Variants in TBC1D5 observed in about 807,000 individuals in gnomAD.
TBC1D5 encodes the protein TBC1 domain family member 5.
TBC1D5 carries 75 observed loss-of-function variants against 100.3 expected under a neutral mutation model. The observed-to-expected ratio is 0.75, with a 90% CI of 0.62 to 0.91. TBC1D5 has a LOEUF of 0.91. TBC1D5 is among the 40% of genes least tolerant of loss of function. TBC1D5 has a pLI of 0.00. For synonymous variants in TBC1D5, 323 were observed against 325.6 expected (o/e 0.99, Z 0.09); for missense variants, 910 against 942.4 (o/e 0.97, Z 0.45).
At chr3:17,315,487 C>T (rs1166310013) in intron 13 of TBC1D5, among the ~76,000 whole-genome samples, 2 of 152,212 alleles carry the variant, frequency 1.3e-5, no homozygotes, top group Non-Finnish European at 2.9e-5. Flanking sequence ...ACCAGTGAAC[C>T]ATTCTACGTC....
At chr3:17,323,439 G>A (rs1361465107) in intron 13 of TBC1D5, among the ~76,000 whole-genome samples, 1 of 152,184 alleles carries the variant, frequency 6.6e-6, no homozygotes, top group East Asian at 1.9e-4. Flanking sequence ...TGTAAGTGCA[G>A]ATGACATAAT....
At chr3:17,235,899 A>G (rs1449879) in intron 17 of TBC1D5, among the ~76,000 whole-genome samples, 62,063 of 151,536 alleles carry the variant, frequency 0.41, 13,395 homozygotes, top group Middle Eastern at 0.49. Flanking sequence ...AGGTAAACAA[A>G]TTTTTGTTTT....
intron 3 of TBC1D5, among the ~76,000 whole-genome samples, chr3:17,476,652 G>C (rs2095441622): frequency 6.6e-6 from 1 of 151,804 alleles, no homozygotes; most frequent in African/African-American, 2.4e-5. Flanking sequence ...AATTTTGACT[G>C]AAAAATACAC....
chr3:17,719,886 T>C (rs1238820067), intron 1 of TBC1D5, among the ~76,000 whole-genome samples: 1 of 152,204 alleles, frequency 6.6e-6, no homozygotes, highest in African/African-American at 2.4e-5. Context: ...TCTAATCCTA[T>C]GTATTTTTAC....
At chr3:17,379,894 A>G (rs1333877397) in intron 9 of TBC1D5, among the ~76,000 whole-genome samples, 1 of 151,992 alleles carries the variant, frequency 6.6e-6, no homozygotes, top group African/African-American at 2.4e-5. Context: ...CTCTCTCTCA[A>G]AATATCTTAT....
chr3:17,428,395 A>ATG (rs35081140), intron 4 of TBC1D5, 55 bp downstream of exon 4: 141 of 303,918 alleles, frequency 4.6e-4, no homozygotes, highest in African/African-American at 2.0e-3. Context: ...ATAATATTAT[A>ATG]TGTGTGTGTG....
At chr3:17,219,090 T>TG (rs970318148) in intron 17 of TBC1D5, among the ~76,000 whole-genome samples, 2 of 151,560 alleles carry the variant, frequency 1.3e-5, no homozygotes, top group African/African-American at 4.8e-5. Flanking sequence ...TCTTTTTGTT[T>TG]TTTTTTTTTA....
At chr3:17,673,260 G>A (rs182749615) in intron 1 of TBC1D5, among the ~76,000 whole-genome samples, 2 of 151,376 alleles carry the variant, frequency 1.3e-5, no homozygotes, top group Admixed American at 6.6e-5. Flanking sequence ...ATTCCGCATG[G>A]TAAATACACG....
At chr3:17,579,886 G>T (rs2096682527) in intron 2 of TBC1D5, among the ~76,000 whole-genome samples, 1 of 152,098 alleles carries the variant, frequency 6.6e-6, no homozygotes, top group South Asian at 2.1e-4. Flanking sequence ...AGACAGCAGA[G>T]ATCACATTAT....
At chr3:17,408,660 GC>G (rs1252730494) in intron 4 of TBC1D5, among the ~76,000 whole-genome samples, 4 of 152,178 alleles carry the variant, frequency 2.6e-5, no homozygotes, top group African/African-American at 9.6e-5. Flanking sequence ...TAATAATACT[GC>G]TTTTTAGTGT....
chr3:17,568,698 T>C (rs1000284349), intron 2 of TBC1D5, among the ~76,000 whole-genome samples: 1 of 151,628 alleles, frequency 6.6e-6, no homozygotes, highest in African/African-American at 2.4e-5. Context: ...TTCATTACTA[T>C]TGTTCTAGGT....
chr3:17,245,715 T>C (rs1013393022), intron 16 of TBC1D5, among the ~76,000 whole-genome samples: 1 of 152,236 alleles, frequency 6.6e-6, no homozygotes, highest in Non-Finnish European at 1.5e-5. Flanking sequence ...ATCAAATCAT[T>C]AAACTTCTCA....
intron 4 of TBC1D5, among the ~76,000 whole-genome samples, chr3:17,417,789 C>T (rs1364965349): frequency 1.3e-5 from 2 of 152,122 alleles, no homozygotes; most frequent in African/African-American, 2.4e-5. Context: ...AATGGTTGAA[C>T]TAGTTTACAG....
intron 15 of TBC1D5, among the ~76,000 whole-genome samples, chr3:17,269,732 T>C (rs1394683483): frequency 1.3e-5 from 2 of 151,796 alleles, no homozygotes; most frequent in South Asian, 2.1e-4. Flanking sequence ...CATTTGTAAG[T>C]GAGAACATGT....
At chr3:17,723,958 C>T (rs2075902281) in intron 1 of TBC1D5, among the ~76,000 whole-genome samples, 1 of 152,050 alleles carries the variant, frequency 6.6e-6, no homozygotes, top group Non-Finnish European at 1.5e-5. Context: ...TCTATCTATA[C>T]ATGTTCTCTT....
rs182783299 is a variant in TBC1D5, at chr3:17,633,020, T to C, written c.-100-9107A>G. On this transcript the variant is annotated intron_variant, in intron 1 of 21. Transcript: ENST00000253692. ...AACATAATTAATTTCTTTTATTCTGTCTATATTCTTTCCTTCTTCCTAATG... is the reference window on the plus strand; with the variant it reads ...AACATAATTAATTTCTTTTATTCTGCCTATATTCTTTCCTTCTTCCTAATG... Among the ~76,000 whole-genome samples the C allele has an allele frequency of 1.5e-3, 225 of 152,304 alleles. 1 individual carries two copies. The highest frequency in any genetic ancestry group is 5.0e-3 in the African/African-American group (207 of 41,560).
intron 2 of TBC1D5, among the ~76,000 whole-genome samples, chr3:17,587,915 T>C (rs976916501): frequency 6.6e-6 from 1 of 152,020 alleles, no homozygotes; most frequent in Non-Finnish European, 1.5e-5. Context: ...ATAAAAGATA[T>C]TCAAATAGCT....
At chr3:17,529,718 C>G (rs2153372921) in intron 2 of TBC1D5, among the ~76,000 whole-genome samples, 1 of 151,924 alleles carries the variant, frequency 6.6e-6, no homozygotes, top group African/African-American at 2.4e-5. Context: ...ATAATCTCGG[C>G]TCACTGCAAC....
Position 17,233,765 on chromosome 3 carries a change from A to G in TBC1D5, c.1588+4398T>C, listed in dbSNP as rs1187368903. ...AACTACATCGCCTGGATTTCATAAG[A>G]AAAAATAATTAGATTTCATAAAAAG... On this transcript the variant is annotated intron_variant, in intron 17 of 21. Transcript: ENST00000253692. The G allele has an allele frequency of 2.6e-6, 4 of 1,516,160 alleles. No homozygotes were observed. The East Asian group carries it at 7.4e-5, about 28-fold the overall frequency. 93.9% of individuals were successfully genotyped at this position (1,516,160 alleles called of 1,614,324 possible).
Sources: allele counts gnomAD v4.1 joint callset (sites outside exome capture counted in the v4.1 genomes callset), GRCh38; gene constraint gnomAD v4.1.1; transcripts MANE v1.5; gene names NCBI Gene and HGNC (gene_info 2026-07-23, HGNC 2026-07-21).